Variants in DTNB observed in about 807,000 individuals in gnomAD.
The protein encoded by DTNB is DTN-B.
In DTNB, 63 loss-of-function variants were observed where a neutral mutation model predicts 90.7. The ratio of observed to expected loss-of-function variants is 0.69; its 90% CI spans 0.57 to 0.86. DTNB has a LOEUF of 0.86. DTNB is among the 40% of genes least tolerant of loss of function. DTNB has a pLI of 0.00. For synonymous variants in DTNB, 277 were observed against 286.7 expected (o/e 0.97, Z 0.34); for missense variants, 744 against 807.1 (o/e 0.92, Z 0.95).
intron 10 of DTNB, among the ~76,000 whole-genome samples, chr2:25,463,963 T>A (rs1349080844): frequency 1.3e-5 from 2 of 152,226 alleles, no homozygotes; most frequent in Non-Finnish European, 2.9e-5. Context: ...TGGAGTGCAG[T>A]GGCGCAATCT....
At chr2:25,438,117 TG>T (rs1294359276) in intron 12 of DTNB, among the ~76,000 whole-genome samples, 2 of 152,012 alleles carry the variant, frequency 1.3e-5, no homozygotes, top group Non-Finnish European at 2.9e-5. Context: ...TGCAGCTGCT[TG>T]GGCTTGGGGT....
rs1340182776 is a variant in DTNB at position 25,455,385 on chromosome 2, G to A, written c.1169+20C>T. On this transcript the variant is annotated intron_variant, in intron 11 of 20. Coordinates refer to ENST00000406818, the MANE Select transcript of DTNB (RefSeq NM_021907.5). ...CTCTGATCACCCGTGGCTACCCACT[G>A]CTGCTGCACCACCACTGACCGTGCA... 1 of 1,574,054 alleles carries A rather than the reference G, an allele frequency of 6.4e-7. No homozygotes were observed. Among genetic ancestry groups the A allele is most frequent in the East Asian group, 2.3e-5 (1 of 42,656 alleles).
chr2:25,628,424 T>G, intron 3 of DTNB, 40 bp from the exon 4 acceptor site: 1 of 1,568,964 alleles, frequency 6.4e-7, no homozygotes, highest in Non-Finnish European at 8.7e-7. Context: ...AATTTTAAAG[T>G]GTGGTACTAC....
At chr2:25,543,185 A>G (rs1204045694) in intron 8 of DTNB, among the ~76,000 whole-genome samples, 2 of 152,080 alleles carry the variant, frequency 1.3e-5, no homozygotes, top group Admixed American at 6.5e-5. Context: ...ACTTTCAACA[A>G]ATTTGTTTTG....
intron 1 of DTNB, among the ~76,000 whole-genome samples, chr2:25,658,970 C>T (rs1474073636): frequency 6.6e-6 from 1 of 151,910 alleles, no homozygotes. Context: ...TTATTGTTGT[C>T]CAGGCTGGTC....
At chr2:25,648,993 CTTTTTTTTTTTTTT>C (rs60749102) in intron 2 of DTNB, among the ~76,000 whole-genome samples, 4 of 93,988 alleles carry the variant, frequency 4.3e-5, no homozygotes, top group Non-Finnish European at 5.9e-5. Context: ...TCCTTCCTAC[CTTTTTTTTTTTTTT>C]TTTTTTTTTT....
intron 2 of DTNB, among the ~76,000 whole-genome samples, chr2:25,640,424 G>C (rs1454538164): frequency 6.6e-6 from 1 of 151,994 alleles, no homozygotes; most frequent in Non-Finnish European, 1.5e-5. Flanking sequence ...GATTTTTCCA[G>C]GTTTTTGGTT....
chr2:25,530,700 C>T (rs774366533), intron 9 of DTNB, among the ~76,000 whole-genome samples: 33 of 152,124 alleles, frequency 2.2e-4, no homozygotes, highest in Non-Finnish European at 3.1e-4. Flanking sequence ...CTCTAGAGCT[C>T]ATTTAGTCAA....
chr2:25,533,554 T>G (rs896433351), intron 8 of DTNB, among the ~76,000 whole-genome samples: 1 of 152,220 alleles, frequency 6.6e-6, no homozygotes, highest in Non-Finnish European at 1.5e-5. Flanking sequence ...CAAAGGCTGA[T>G]AGTCACTTAC....
intron 5 of DTNB, among the ~76,000 whole-genome samples, chr2:25,603,846 C>T (rs2066446798): frequency 6.6e-6 from 1 of 152,154 alleles, no homozygotes; most frequent in South Asian, 2.1e-4. Flanking sequence ...AGATCATTTG[C>T]TGTTACAATA....
chr2:25,518,202 T>C (rs1558850702), intron 9 of DTNB, among the ~76,000 whole-genome samples: 1 of 75,286 alleles, frequency 1.3e-5, no homozygotes, highest in Non-Finnish European at 2.3e-5. Flanking sequence ...TTTTATATTA[T>C]TTTTTTATCC....
Position 25,628,194 on chromosome 2 carries a change from G to A in DTNB, c.339C>T (p.Asn113=), listed in dbSNP as rs959435107. The A allele has an allele frequency of 1.2e-6, 2 of 1,613,824 alleles. No individual in the cohort carries two copies. Among genetic ancestry groups the A allele is most frequent in the Non-Finnish European group, 1.7e-6 (2 of 1,179,888 alleles). Residue 113 remains asparagine (N), a synonymous_variant, in exon 4 of 21, where the codon AAC becomes AAT. Coordinates refer to ENST00000406818, the MANE Select transcript of DTNB (RefSeq NM_021907.5). ...GCCTGTCATATGCAGCAATCATAAAGTTGAGGAGGAGGCTGATAGATTGTT... is the reference window on the plus strand; with the variant it reads ...GCCTGTCATATGCAGCAATCATAAAATTGAGGAGGAGGCTGATAGATTGTT... ...SVEQSISLLL[N]FMIAAYDSEG... is the part of the protein sequence containing the mutation.
At chr2:25,447,499 C>CTTTTTT (rs34508984) in intron 12 of DTNB, among the ~76,000 whole-genome samples, 2 of 116,024 alleles carry the variant, frequency 1.7e-5, no homozygotes, top group African/African-American at 6.5e-5. Context: ...AGCTAGTTAT[C>CTTTTTT]TTTTTTTTTT....
chr2:25,406,335 C>T (rs573909301), intron 16 of DTNB, among the ~76,000 whole-genome samples: 4 of 152,112 alleles, frequency 2.6e-5, no homozygotes, highest in African/African-American at 4.8e-5. Flanking sequence ...ACATCCTTAA[C>T]AGCCTGACCA....
rs562474478 is a variant in DTNB at position 25,601,804 on chromosome 2, T to G, written c.448+5432A>C. On this transcript the variant is annotated intron_variant, in intron 5 of 20. Coordinates refer to ENST00000406818, the MANE Select transcript of DTNB (RefSeq NM_021907.5). ...ATACCTAAACACAACTAGGCCCGAGTGCATACTGTAGTTCGAAACTCATTA... is the reference window on the plus strand; with the variant it reads ...ATACCTAAACACAACTAGGCCCGAGGGCATACTGTAGTTCGAAACTCATTA... 1.6e-4 allele frequency among the ~76,000 whole-genome samples: 24 copies of G among 152,122 alleles called. No homozygotes were observed. The South Asian group carries it at 3.5e-3, about 22-fold the overall frequency.
intron 4 of DTNB, among the ~76,000 whole-genome samples, chr2:25,618,613 T>C (rs1457921552): frequency 6.6e-6 from 1 of 152,218 alleles, no homozygotes; most frequent in Non-Finnish European, 1.5e-5. Flanking sequence ...AGGTCAACAT[T>C]TGAAATATAA....
At chr2:25,633,780 C>T (rs902036574) in intron 3 of DTNB, among the ~76,000 whole-genome samples, 1 of 151,752 alleles carries the variant, frequency 6.6e-6, no homozygotes, top group South Asian at 2.1e-4. Flanking sequence ...CGTCTCTGCC[C>T]GGCCGCTCAT....
chr2:25,667,095 G>A (rs1469298673), intron 1 of DTNB, among the ~76,000 whole-genome samples: 1 of 149,566 alleles, frequency 6.7e-6, no homozygotes, highest in East Asian at 2.0e-4. Flanking sequence ...TGAAGCACCT[G>A]AAATATCACC....
intron 10 of DTNB, among the ~76,000 whole-genome samples, chr2:25,471,626 C>T (rs2062829343): frequency 2.0e-5 from 3 of 152,134 alleles, no homozygotes; most frequent in Admixed American, 6.6e-5. Flanking sequence ...AAACTTCTGG[C>T]CTCAAGCAAT....
Sources: gnomAD v4.1 joint callset for allele counts (sites outside exome capture counted in the v4.1 genomes callset) on GRCh38, gnomAD v4.1.1 for gene constraint, MANE v1.5 for transcripts, NCBI Gene and HGNC (gene_info 2026-07-23, HGNC 2026-07-21) for gene names.